Variants in SLC22A24 observed in about 807,000 individuals in gnomAD.
SLC22A24 encodes the protein solute carrier family 22 member 24.
In SLC22A24, 53 loss-of-function variants were observed where a neutral mutation model predicts 49.8. That is an observed-to-expected ratio of 1.06 (90% CI 0.85 to 1.34). The LOEUF (loss-of-function observed/expected upper bound fraction) is 1.34. Among genes scored for constraint, SLC22A24 ranks in the 40% most tolerant of loss-of-function variants. The pLI is 0.00. For missense variants in SLC22A24, 786 were observed against 675.9 expected (o/e 1.16, Z -1.81); for synonymous variants, 302 against 256.4 (o/e 1.18, Z -1.70).
At position 63,143,587 on chromosome 11, in the gene SLC22A24, C is replaced by T. The variant is rs370028693; in HGVS notation, c.193G>A (p.Gly65Arg). 284 of 1,569,312 alleles carry T rather than the reference C, an allele frequency of 1.8e-4. No individual in the cohort carries two copies. The highest frequency in any genetic ancestry group is 2.0e-4 in the Non-Finnish European group (233 of 1,158,850). The change falls in exon 1 of 10, where the codon GGG becomes AGG. Residue 65 changes from glycine to arginine, a missense_variant. By Grantham distance (125) the Gly-to-Arg change is moderately radical (BLOSUM62 -2). Transcript: ENST00000612278. ...DNDTVSDNDT[G>R]TLSKDDLLRI... ...AGGAGGTCATCCTTGCTGAGGGTCC[C>T]GGTATCATTGTCAGACACAGTGTCA...
At chr11:63,099,626 G>A (rs1044808893) in intron 5 of SLC22A24, among the ~76,000 whole-genome samples, 1 of 151,380 alleles carries the variant, frequency 6.6e-6, no homozygotes, top group Non-Finnish European at 1.5e-5. Context: ...AGATAAAAAA[G>A]AAAACTACAG....
intron 6 of SLC22A24, among the ~76,000 whole-genome samples, chr11:63,089,833 G>A (rs956285926): frequency 1.3e-5 from 2 of 152,092 alleles, no homozygotes; most frequent in African/African-American, 2.4e-5. Context: ...TGTAATCCCA[G>A]CACTTTGGGA....
At chr11:63,121,556 A>G (rs1263258000) in intron 2 of SLC22A24, among the ~76,000 whole-genome samples, 1 of 152,088 alleles carries the variant, frequency 6.6e-6, no homozygotes, top group African/African-American at 2.4e-5. Context: ...GATACTTTTT[A>G]TGTAAATTAA....
chr11:63,123,562 A>G (rs889375927), intron 2 of SLC22A24, among the ~76,000 whole-genome samples: 10 of 152,122 alleles, frequency 6.6e-5, no homozygotes, highest in Non-Finnish European at 1.2e-4. Context: ...CTAATAGGCA[A>G]CTCCGACCCA....
intron 1 of SLC22A24, among the ~76,000 whole-genome samples, chr11:63,142,857 G>T (rs112136495): frequency 0.03 from 4,574 of 152,190 alleles, 103 homozygotes; most frequent in Non-Finnish European, 0.049. Context: ...TAAAAACTCT[G>T]CTCCCCGAAT....
chr11:63,103,506 C>A (rs546402900), intron 5 of SLC22A24, among the ~76,000 whole-genome samples: 1 of 152,246 alleles, frequency 6.6e-6, no homozygotes, highest in Admixed American at 6.5e-5. Flanking sequence ...CCCTGGTACA[C>A]CCTGGTAGGC....
At chr11:63,119,432 T>C in intron 2 of SLC22A24, 97 bp from the exon 3 acceptor site, 1 of 1,200,068 alleles carries the variant, frequency 8.3e-7, no homozygotes, top group Non-Finnish European at 1.1e-6. Context: ...GGATAAATGT[T>C]TAACAAGTGG....
At chr11:63,082,110 T>C (rs2086963592) in intron 7 of SLC22A24, among the ~76,000 whole-genome samples, 1 of 152,108 alleles carries the variant, frequency 6.6e-6, no homozygotes, top group Non-Finnish European at 1.5e-5. Flanking sequence ...ACTGAGGAGT[T>C]TGTGAGCCAT....
chr11:63,096,714 G>A (rs548297185), intron 5 of SLC22A24, among the ~76,000 whole-genome samples: 1 of 152,158 alleles, frequency 6.6e-6, no homozygotes, highest in Non-Finnish European at 1.5e-5. Flanking sequence ...AGAAGTGAAG[G>A]CAAGGAAAAA....
intron 4 of SLC22A24, among the ~76,000 whole-genome samples, chr11:63,114,813 T>C (rs2087200009): frequency 6.6e-6 from 1 of 152,216 alleles, no homozygotes; most frequent in South Asian, 2.1e-4. Flanking sequence ...AACAGCCAGG[T>C]CCCTCAGCTG....
At chr11:63,111,717 G>T (rs1377490750) in intron 4 of SLC22A24, among the ~76,000 whole-genome samples, 1 of 151,866 alleles carries the variant, frequency 6.6e-6, no homozygotes, top group Non-Finnish European at 1.5e-5. Flanking sequence ...ATTTTTTATT[G>T]TGTCTATTTG....
Position 63,083,348 on chromosome 11 carries a change from A to G in SLC22A24, c.1180T>C (p.Cys394Arg), listed in dbSNP as rs759176417. ...LCGAVTFTAR[C>R]VSLLTLNHMG... ...TGATTCAGTGTCAAAAGGGAAACAC[A>G]TCTGGCTGTGAATGTGACAGCTCCA... is the stretch of plus-strand genomic sequence containing the variant. Residue 394 changes from cysteine to arginine, a missense_variant, in exon 7 of 10, where the codon TGT becomes CGT. Transcript: ENST00000612278. The G allele has an allele frequency of 1.5e-4, 230 of 1,554,302 alleles. No individual in the cohort carries two copies. Among genetic ancestry groups the G allele is most frequent in the Non-Finnish European group, 2.0e-4 (228 of 1,148,100 alleles).
intron 5 of SLC22A24, among the ~76,000 whole-genome samples, chr11:63,097,442 T>G (rs1418805348): frequency 1.3e-5 from 2 of 152,130 alleles, no homozygotes; most frequent in African/African-American, 2.4e-5. Context: ...CTGGAGAGGA[T>G]GTGGAGAAAT....
intron 6 of SLC22A24, among the ~76,000 whole-genome samples, chr11:63,087,444 C>T (rs1012440653): frequency 3.9e-5 from 6 of 152,190 alleles, no homozygotes; most frequent in African/African-American, 7.2e-5. Flanking sequence ...GAGATTCCCT[C>T]GTGTGCCTAT....
At chr11:63,082,614 G>C (rs2086966301) in intron 7 of SLC22A24, among the ~76,000 whole-genome samples, 3 of 152,172 alleles carry the variant, frequency 2.0e-5, no homozygotes, top group African/African-American at 7.2e-5. Context: ...CCTTGTTTAG[G>C]GGTAGATTAT....
intron 4 of SLC22A24, among the ~76,000 whole-genome samples, chr11:63,105,345 T>C (rs1033385186): frequency 9.3e-5 from 6 of 64,440 alleles, no homozygotes; most frequent in Admixed American, 7.8e-4. Flanking sequence ...GGGGACTCTC[T>C]GTGGGAGCTC....
intron 1 of SLC22A24, among the ~76,000 whole-genome samples, chr11:63,137,578 T>G (rs2087384474): frequency 6.6e-6 from 1 of 152,104 alleles, no homozygotes; most frequent in Non-Finnish European, 1.5e-5. Flanking sequence ...ACAGGAAAAA[T>G]GTTTGAGCTT....
At chr11:63,101,095 C>A (rs2087087903) in intron 5 of SLC22A24, among the ~76,000 whole-genome samples, 1 of 151,988 alleles carries the variant, frequency 6.6e-6, no homozygotes, top group Non-Finnish European at 1.5e-5. Context: ...AAGATATAAT[C>A]AACAAGGTAA....
chr11:63,133,069 A>ACTGGTG (rs1320424786), intron 2 of SLC22A24, among the ~76,000 whole-genome samples: 1 of 152,090 alleles, frequency 6.6e-6, no homozygotes, highest in East Asian at 1.9e-4. Flanking sequence ...TCGATCTCAG[A>ACTGGTG]CTGGTGCACT....
Sources: allele counts gnomAD v4.1 joint callset (sites outside exome capture counted in the v4.1 genomes callset), GRCh38; gene constraint gnomAD v4.1.1; transcripts MANE v1.5; gene names NCBI Gene and HGNC (gene_info 2026-07-23, HGNC 2026-07-21).